The following UBE2D3 variants were observed in gnomAD, a reference collection of about 807,000 sequenced individuals.
UBE2D3 encodes the protein ubiquitin conjugating enzyme E2 D3, also known as ubiquitin-conjugating enzyme E2 D3.
In UBE2D3, 2 loss-of-function variants were observed where a neutral mutation model predicts 22.8. That is an observed-to-expected ratio of 0.09 (90% CI 0.04 to 0.28). UBE2D3 has a LOEUF of 0.28. UBE2D3 is among the 10% of genes least tolerant of loss of function. The pLI is 1.00. For synonymous variants in UBE2D3, 56 were observed against 60.4 expected, an observed-to-expected ratio of 0.93 and a Z score of 0.34; for missense variants, 27 against 182.5, an observed-to-expected ratio of 0.15 and a Z score of 4.91.
intron 1 of UBE2D3, among the ~76,000 whole-genome samples, chr4:102,847,992 ATTAT>A (rs1553966936): frequency 6.6e-6 from 1 of 152,138 alleles, no homozygotes; most frequent in Non-Finnish European, 1.5e-5. Flanking sequence ...GCATGTGGGA[ATTAT>A]TTATAGCCTA....
intron 2 of UBE2D3, chr4:102,825,639 T>C (rs563233088): frequency 8.9e-7 from 1 of 1,124,224 alleles, no homozygotes; most frequent in Non-Finnish European, 1.2e-6. Flanking sequence ...TTTTTTCAAC[T>C]TAAATCGATA....
chr4:102,837,384 A>G (rs1293934656), intron 1 of UBE2D3, among the ~76,000 whole-genome samples: 2 of 152,222 alleles, frequency 1.3e-5, no homozygotes, highest in African/African-American at 2.4e-5. Flanking sequence ...GACATACCTA[A>G]TTTTATTGAA....
intron 2 of UBE2D3, 136 bp downstream of exon 2, chr4:102,826,349 G>T: frequency 8.9e-7 from 1 of 1,122,456 alleles, no homozygotes; most frequent in South Asian, 1.4e-5. Flanking sequence ...GTATATCTGC[G>T]TTCTCCATCC....
At chr4:102,857,472 C>A (rs1486265448) in intron 1 of UBE2D3, among the ~76,000 whole-genome samples, 1 of 151,834 alleles carries the variant, frequency 6.6e-6, no homozygotes, top group African/African-American at 2.4e-5. Context: ...TAGTGTTAAT[C>A]AAAAATAGGA....
intron 1 of UBE2D3, among the ~76,000 whole-genome samples, chr4:102,834,803 C>T (rs1326810520): frequency 6.7e-6 from 1 of 150,286 alleles, no homozygotes; most frequent in Non-Finnish European, 1.5e-5. Context: ...TGTTTTGAGA[C>T]AGGGTCTCTC....
At chr4:102,826,139 A>G (rs1013763181) in intron 2 of UBE2D3, among the ~76,000 whole-genome samples, 9 of 152,050 alleles carry the variant, frequency 5.9e-5, no homozygotes, top group Admixed American at 5.9e-4. Flanking sequence ...GCGCCATGAC[A>G]TCTGCTGGAG....
intron 1 of UBE2D3, among the ~76,000 whole-genome samples, chr4:102,850,955 G>A (rs1029758306): frequency 2.0e-5 from 3 of 151,642 alleles, no homozygotes; most frequent in African/African-American, 7.3e-5. Context: ...GGGGGGTGAG[G>A]GATAAAAGAC....
chr4:102,864,476 T>C (rs1162022954), intron 1 of UBE2D3, among the ~76,000 whole-genome samples: 1 of 119,026 alleles, frequency 8.4e-6, no homozygotes, highest in Non-Finnish European at 1.8e-5. Context: ...TGGTCACCAG[T>C]AAAATTGCTG....
chr4:102,819,303 C>G (rs1365310463), intron 2 of UBE2D3, among the ~76,000 whole-genome samples: 1 of 149,790 alleles, frequency 6.7e-6, no homozygotes, highest in African/African-American at 2.5e-5. Context: ...GCACTCTAGC[C>G]TGGGCAGCTG....
intron 6 of UBE2D3, among the ~76,000 whole-genome samples, chr4:102,800,234 TA>T (rs534707497): frequency 6.6e-6 from 1 of 151,758 alleles, no homozygotes; most frequent in African/African-American, 2.4e-5. Flanking sequence ...GATTTTTTTT[TA>T]AAAAAAGCAA....
intron 4 of UBE2D3, among the ~76,000 whole-genome samples, chr4:102,807,992 A>G (rs943922157): frequency 6.6e-6 from 1 of 152,316 alleles, no homozygotes; most frequent in Admixed American, 6.5e-5. Context: ...AGTATTGACA[A>G]TTTTTATAAT....
At chr4:102,849,590 G>A (rs192268228) in intron 1 of UBE2D3, among the ~76,000 whole-genome samples, 1 of 152,152 alleles carries the variant, frequency 6.6e-6, no homozygotes, top group East Asian at 1.9e-4. Context: ...GACTTTAACA[G>A]GCACTACAGA....
chr4:102,806,927 G>C (rs904095549), intron 4 of UBE2D3, among the ~76,000 whole-genome samples: 2 of 152,014 alleles, frequency 1.3e-5, no homozygotes, highest in Non-Finnish European at 2.9e-5. Flanking sequence ...TTGTGCTTCC[G>C]AAGTAGCTTA....
chr4:102,829,792 A>G (rs1169364002), upstream of UBE2D3, among the ~76,000 whole-genome samples: 1 of 152,200 alleles, frequency 6.6e-6, no homozygotes, highest in African/African-American at 2.4e-5. Context: ...ACAAAAAATT[A>G]GCTGGGCGTA....
At chr4:102,854,569 GAC>G (rs1484555695) in intron 1 of UBE2D3, among the ~76,000 whole-genome samples, 1 of 152,154 alleles carries the variant, frequency 6.6e-6, no homozygotes, top group African/African-American at 2.4e-5. Flanking sequence ...CTCTATCCCT[GAC>G]AGTTTTCCTT....
intron 2 of UBE2D3, among the ~76,000 whole-genome samples, chr4:102,822,909 C>A (rs1375300643): frequency 6.7e-6 from 1 of 148,862 alleles, no homozygotes; most frequent in Non-Finnish European, 1.5e-5. Flanking sequence ...GCACTCCAGC[C>A]TGGGTAACAC....
intron 2 of UBE2D3, among the ~76,000 whole-genome samples, chr4:102,824,069 G>GA (rs771732420): frequency 1.3e-5 from 2 of 152,186 alleles, no homozygotes; most frequent in Non-Finnish European, 2.9e-5. Context: ...TGGAATGTTT[G>GA]AAAGTTGCCT....
chr4:102,853,261 G>A (rs1042657095), intron 1 of UBE2D3, among the ~76,000 whole-genome samples: 3 of 147,970 alleles, frequency 2.0e-5, no homozygotes, highest in Admixed American at 6.9e-5. Context: ...TCCTGCCTCA[G>A]CCTCCCGAGT....
chr4:102,812,491 A>C (rs1335665465), intron 2 of UBE2D3: 1 of 152,214 alleles, frequency 6.6e-6, no homozygotes, highest in Non-Finnish European at 1.5e-5. Context: ...CCAGAACAAA[A>C]AACAACCCAG....
Sources: allele counts gnomAD v4.1 joint callset (sites outside exome capture counted in the v4.1 genomes callset), GRCh38; gene constraint gnomAD v4.1.1; transcripts MANE v1.5; gene names NCBI Gene and HGNC (gene_info 2026-07-23, HGNC 2026-07-21).